Variants in SSC5D observed in about 807,000 individuals in gnomAD.
The protein encoded by SSC5D is scavenger receptor cysteine rich family member with 5 domains.
A neutral mutation model predicts 104.6 loss-of-function variants in SSC5D; 106 were observed. The observed-to-expected ratio is 1.01, with a 90% CI of 0.87 to 1.19. The LOEUF (loss-of-function observed/expected upper bound fraction) is 1.19, where lower values mean the gene tolerates loss of function less well. Ranked by LOEUF, SSC5D falls within the 50% of genes most tolerant of loss-of-function variation. The pLI is 0.00. For synonymous variants in SSC5D, 860 were observed against 883.5 expected (o/e 0.97, Z 0.47); for missense variants, 1,993 against 2,153.8 (o/e 0.93, Z 1.48).
chr19:55,489,410 C>T lies in SSC5D; in HGVS notation c.109C>T (p.His37Tyr). 1 of 1,490,578 alleles carries T rather than the reference C, an allele frequency of 6.7e-7. No individual in the cohort carries two copies. Among genetic ancestry groups the T allele is most frequent in the Non-Finnish European group, 8.9e-7 (1 of 1,127,154 alleles). The allele number at this position is 1,490,578 out of a possible 1,614,324, so 92.3% of individuals were successfully genotyped here. Residue 37 changes from histidine to tyrosine, a missense_variant, in exon 3 of 14, where the codon CAT becomes TAT. Transcript: ENST00000389623. The part of the protein sequence containing the change: ...HGCAGRLEVW[H>Y]GGRWGTVCDD... ...GTGCGCTGGCCGCCTGGAGGTCTGGCATGGCGGGCGCTGGGGCACCGTGTG... is the reference window on the plus strand; with the variant it reads ...GTGCGCTGGCCGCCTGGAGGTCTGGTATGGCGGGCGCTGGGGCACCGTGTG...
chr19:55,506,909 G>C (rs1402034255), intron 12 of SSC5D, among the ~76,000 whole-genome samples: 2 of 151,476 alleles, frequency 1.3e-5, no homozygotes, highest in Non-Finnish European at 2.9e-5. Flanking sequence ...GCTCATGTCT[G>C]TAATCCCAGC....
At chr19:55,490,695 C>T (rs1259861669) in intron 5 of SSC5D, 77 bp from the exon 6 acceptor site, 18 of 1,419,118 alleles carry the variant, frequency 1.3e-5, no homozygotes, top group Non-Finnish European at 1.5e-5. Flanking sequence ...GGCCTGTTTC[C>T]CCAGGTGGAA....
At chr19:55,494,908 T>G in intron 8 of SSC5D, 125 bp downstream of exon 8, 1 of 1,158,430 alleles carries the variant, frequency 8.6e-7, no homozygotes, top group Non-Finnish European at 1.2e-6. Context: ...CACAGGGGCC[T>G]CGCCCAGGAC....
Position 55,493,828 on chromosome 19 carries a change from G to C in SSC5D, c.1129G>C (p.Glu377Gln). Residue 377 changes from glutamate to glutamine, a missense_variant, in exon 7 of 14, where the codon GAG (glutamate) becomes CAG (glutamine). Transcript: ENST00000389623. ...GGACGACCTTCGGTGTCGGGGAAAC[G>C]AGACGGCCTTACGATTCTGCCCAGC... ...ILDDLRCRGNETALRFCPARP... is the reference protein window; with the variant it reads ...ILDDLRCRGNQTALRFCPARP... 6.5e-7 allele frequency: 1 copy of C among 1,549,508 alleles called. No individual in the cohort carries two copies. Among genetic ancestry groups the C allele is most frequent in the Non-Finnish European group, 8.7e-7 (1 of 1,146,636 alleles).
Position 55,490,843 on chromosome 19 carries a change from G to A in SSC5D, c.658G>A (p.Gly220Ser). ...RLEVWHGGRW[G>S]TVCDDGWDLR... is the part of the protein sequence containing the mutation. ...GGAGGTCTGGCACGGCGGGCGCTGG[G>A]GCACCGTATGTGACGATGGCTGGGA... The change falls in exon 6 of 14, where the codon GGC becomes AGC. Residue 220 changes from glycine (G) to serine (S), a missense_variant. Around this residue, in one of 6 missense-constraint regions of SSC5D, gnomAD observed 1,101 missense variants for 1,085.0 expected, o/e 1.01. Transcript: ENST00000389623. 1 of 1,547,502 alleles carries A rather than the reference G, an allele frequency of 6.5e-7. No individual in the cohort carries two copies. Among genetic ancestry groups the A allele is most frequent in the South Asian group, 1.2e-5 (1 of 83,710 alleles).
At chr19:55,497,820 A>G (rs1423035209) in intron 8 of SSC5D, 60 bp from the exon 9 acceptor site, 3 of 1,340,242 alleles carry the variant, frequency 2.2e-6, no homozygotes, top group Non-Finnish European at 2.9e-6. Flanking sequence ...AAGGTGGATG[A>G]AGAGTCAGGA....
chr19:55,507,833 C>T (rs540853523), intron 12 of SSC5D, among the ~76,000 whole-genome samples: 7 of 151,864 alleles, frequency 4.6e-5, no homozygotes, highest in Non-Finnish European at 5.9e-5. Flanking sequence ...ACGGTGGCAG[C>T]GGGGGAGATG....
At position 55,513,158 on chromosome 19, in the gene SSC5D, T is replaced by C. The variant is rs1987795732; in HGVS notation, c.2933T>C (p.Val978Ala). The C allele has an allele frequency of 1.3e-6, 2 of 1,506,532 alleles. No individual in the cohort carries two copies. Among genetic ancestry groups the C allele is most frequent in the East Asian group, 4.9e-5 (2 of 40,446 alleles). The allele number at this position is 1,506,532 out of a possible 1,614,324, so 93.3% of individuals were successfully genotyped here. A position where few individuals can be genotyped will look rare whatever the true frequency, so the allele number is the denominator to read the frequency against. ...RSPGSPPTLR[V>A]HGDTGSPRKP... ...CCAGGCAGTCCTCCAACTCTGAGAG[T>C]CCATGGAGACACAGGTGAGACACGT... is the stretch of plus-strand genomic sequence containing the variant. The change falls in exon 13 of 14, where the codon GTC (valine) becomes GCC (alanine). Residue 978 changes from valine to alanine, a missense_variant. Around this residue, in one of 6 missense-constraint regions of SSC5D, gnomAD observed 423 missense variants for 409.2 expected, o/e 1.03. Transcript: ENST00000389623.
At chr19:55,494,561 G>A (rs569567106) in intron 7 of SSC5D, 49 bp from the exon 8 acceptor site, 18 of 1,454,684 alleles carry the variant, frequency 1.2e-5, no homozygotes, top group Middle Eastern at 2.3e-4. Context: ...TGCCGGCTCC[G>A]GGATGGAGGG....
rs569715069 is a variant in SSC5D, at chr19:55,502,479, A to AT, written c.2785+1285dup. Among the ~76,000 whole-genome samples, 86 of 148,706 alleles carry AT rather than the reference A, an allele frequency of 5.8e-4. 3 individuals carry two copies. The East Asian group carries it at 0.014, about 25-fold the overall frequency. ...CAGTTTTCGTGGTCAGTTTCTCTTT[A>AT]TTTTTTTCTCCCTTGTCCTTCTGTC... On this transcript the variant is annotated intron_variant, in intron 12 of 13. Transcript: ENST00000389623.
chr19:55,508,106 T>C (rs766397054), intron 12 of SSC5D, among the ~76,000 whole-genome samples: 1 of 152,070 alleles, frequency 6.6e-6, no homozygotes, highest in Non-Finnish European at 1.5e-5. Flanking sequence ...TCAGGAGATA[T>C]TAGCTGTGCA....
chr19:55,497,575 C>T (rs1319411861), intron 8 of SSC5D, among the ~76,000 whole-genome samples: 1 of 152,106 alleles, frequency 6.6e-6, no homozygotes, highest in African/African-American at 2.4e-5. Flanking sequence ...GTGTGAATAC[C>T]TGTTTTCAGT....
In SSC5D at chr19:55,493,892, A is replaced by ACGC. The variant is rs765447916; in HGVS notation, c.1196_1198dup (p.Ala399dup). 1.3e-6 allele frequency: 2 copies of ACGC among 1,492,662 alleles called. No individual in the cohort carries two copies. The highest frequency in any genetic ancestry group is 1.8e-6 in the Non-Finnish European group (2 of 1,113,654). The allele number at this position is 1,492,662 out of a possible 1,614,324, so 92.5% of individuals were successfully genotyped here. On this transcript the variant is annotated inframe_insertion, in exon 7 of 14. Coordinates refer to ENST00000389623, the MANE Select transcript of SSC5D (RefSeq NM_001144950.2). ...CAGCATGACTGTCACCACCGCGAGGACGCCGGGGCCGTGTGTGACGGTGAG... is the reference window on the plus strand; with the variant it reads ...CAGCATGACTGTCACCACCGCGAGGACGCCGCCGGGGCCGTGTGTGACGGTGAG...
intron 12 of SSC5D, among the ~76,000 whole-genome samples, chr19:55,512,626 C>T (rs575140056): frequency 1.2e-4 from 18 of 152,088 alleles, no homozygotes; most frequent in East Asian, 5.8e-4. Flanking sequence ...GGATTATAGG[C>T]GTGTGCCACC....
chr19:55,497,838 C>A (rs192910000), intron 8 of SSC5D, 42 bp from the exon 9 acceptor site: 1 of 1,474,016 alleles, frequency 6.8e-7, no homozygotes, highest in South Asian at 1.4e-5. Flanking sequence ...GGAGGCTGGG[C>A]GGCTTCCCCG....
At position 55,489,025 on chromosome 19, in the gene SSC5D, G is replaced by C; in HGVS notation, c.45G>C (p.Gln15His). Residue 15 changes from glutamine to histidine, a missense_variant, in exon 2 of 14, where the codon CAG becomes CAC. By Grantham distance (24) the Gln-to-His change is conservative (BLOSUM62 0). This residue lies in a region of SSC5D where 1,101 missense variants were observed against 1,085.0 expected (regional missense o/e 1.01). Transcript: ENST00000389623. ...ACLLAALVGI[Q>H]AVERLRLADG... Reference sequence around the variant, plus strand: ...TTCCAGCGGCCCTGGTGGGGATCCAGGCTGTTGGTAAGTGCCCAGACTCCT... The same window carrying C: ...TTCCAGCGGCCCTGGTGGGGATCCACGCTGTTGGTAAGTGCCCAGACTCCT... The C allele has an allele frequency of 6.7e-7, 1 of 1,491,738 alleles. No individual in the cohort carries two copies. Among genetic ancestry groups the C allele is most frequent in the Non-Finnish European group, 8.9e-7 (1 of 1,121,170 alleles). 92.4% of individuals were successfully genotyped at this position (1,491,738 alleles called of 1,614,324 possible). A position where few individuals can be genotyped will look rare whatever the true frequency, so the allele number is the denominator to read the frequency against.
At position 55,500,316 on chromosome 19, in the gene SSC5D, G is replaced by A. The variant is rs1334419815; in HGVS notation, c.2206G>A (p.Ala736Thr). The A allele has an allele frequency of 5.2e-6, 8 of 1,551,502 alleles. No individual in the cohort carries two copies. The highest frequency in any genetic ancestry group is 7.0e-6 in the Non-Finnish European group (8 of 1,146,980). ...SESTIKSIPQASLEPSAEIPE... is the reference protein window; with the variant it reads ...SESTIKSIPQTSLEPSAEIPE... Reference sequence around the variant, plus strand: ...GTCCACTATCAAGAGTATCCCTCAGGCCTCCCTGGAGCCATCTGCTGAGAT... The same window carrying A: ...GTCCACTATCAAGAGTATCCCTCAGACCTCCCTGGAGCCATCTGCTGAGAT... The change falls in exon 10 of 14, where the codon GCC becomes ACC. Residue 736 changes from alanine (A) to threonine (T), a missense_variant. By Grantham distance (58) the Ala-to-Thr change is moderately conservative (BLOSUM62 0). Around this residue, in one of 6 missense-constraint regions of SSC5D, gnomAD observed 1,101 missense variants for 1,085.0 expected, o/e 1.01. Coordinates refer to ENST00000389623, the MANE Select transcript of SSC5D (RefSeq NM_001144950.2). The surrounding 1 kb of genome is among the most constrained non-coding windows in gnomAD (Gnocchi z 4.6).
At position 55,517,439 on chromosome 19, in the gene SSC5D, G is replaced by T; in HGVS notation, c.3163G>T (p.Ala1055Ser). The T allele has an allele frequency of 6.4e-7, 1 of 1,550,894 alleles. No homozygotes were observed. The highest frequency in any genetic ancestry group is 8.7e-7 in the Non-Finnish European group (1 of 1,146,934). ...CACTTCACCACCCACCCCAGACCCG[G>T]CCTCCCGGACGAACCCCGACCTCAT... is the stretch of plus-strand genomic sequence containing the variant. ...PDTSPPTPDP[A>S]SRTNPDLILT... Residue 1055 changes from alanine (A) to serine (S), a missense_variant, in exon 14 of 14, where the codon GCC becomes TCC. Physicochemically the swap from Ala to Ser is moderately conservative, Grantham distance 99. Coordinates refer to ENST00000389623, the MANE Select transcript of SSC5D (RefSeq NM_001144950.2).
At chr19:55,498,985 C>T (rs1376695653) in intron 9 of SSC5D, among the ~76,000 whole-genome samples, 1 of 152,198 alleles carries the variant, frequency 6.6e-6, no homozygotes, top group Non-Finnish European at 1.5e-5. Flanking sequence ...ATGCAGACAG[C>T]ACTTCATTAT....
Sources: allele counts gnomAD v4.1 joint callset (sites outside exome capture counted in the v4.1 genomes callset), GRCh38; gene constraint gnomAD v4.1.1; regional missense constraint gnomAD v4.1.1; non-coding constraint Gnocchi (gnomAD v3.1); transcripts MANE v1.5; gene names NCBI Gene and HGNC (gene_info 2026-07-23, HGNC 2026-07-21).